EML1: variants seen among roughly 807,000 people sequenced by gnomAD.
EML1 encodes echinoderm microtubule-associated protein-like 1.
In EML1, 27 loss-of-function variants were observed where a neutral mutation model predicts 110.4. The observed-to-expected ratio is 0.24, with a 90% confidence interval of 0.18 to 0.34. The LOEUF is 0.34. Ranked by LOEUF, EML1 falls within the 10% of genes least tolerant of loss-of-function variation. The pLI, the probability that EML1 is intolerant of heterozygous loss-of-function variation, is 1.00. For synonymous variants in EML1, 344 were observed against 385.8 expected (o/e 0.89, Z 1.27); for missense variants, 741 against 1,030.9 (o/e 0.72, Z 3.85).
chr14:99,753,317 C>T (rs961006059), intron 1 of EML1, among the ~76,000 whole-genome samples: 3 of 151,380 alleles, frequency 2.0e-5, no homozygotes, highest in African/African-American at 7.3e-5. Flanking sequence ...GGGAAGTCCT[C>T]ATTGCAATTA....
intron 2 of EML1, among the ~76,000 whole-genome samples, chr14:99,858,882 A>G (rs1216264117): frequency 6.6e-6 from 1 of 152,210 alleles, no homozygotes; most frequent in Non-Finnish European, 1.5e-5. Context: ...TAAACTTTGG[A>G]TTTCCTCATA....
intron 1 of EML1, among the ~76,000 whole-genome samples, chr14:99,765,884 A>T (rs2057364053): frequency 6.6e-6 from 1 of 152,156 alleles, no homozygotes. Context: ...AATTACAGGC[A>T]TGAGCCACCG....
In EML1 at chr14:99,939,320, A is replaced by G. The variant is rs776678602; in HGVS notation, c.2315A>G (p.Gln772Arg). Residue 772 changes from glutamine (Q) to arginine (R), a missense_variant, in exon 21 of 22, where the codon CAG (glutamine) becomes CGG (arginine). By Grantham distance (43) the Gln-to-Arg change is conservative. Transcript: ENST00000262233. The surrounding 1 kb of genome is among the most constrained non-coding windows in gnomAD (Gnocchi z 4.2). ...CACCTCTTCTCATACCCCTGCTCGC[A>G]GTTCAGGGTAAAGGACTTGTTTCTT... ...KVHLFSYPCS[Q>R]FRAPSHIYGG... The G allele has an allele frequency of 3.7e-6, 6 of 1,614,198 alleles. No homozygotes were observed. In the Admixed American group the frequency reaches 8.3e-5, roughly 22 times the overall value.
intron 1 of EML1, among the ~76,000 whole-genome samples, chr14:99,740,324 C>A (rs114594729): frequency 6.6e-6 from 1 of 152,184 alleles, no homozygotes; most frequent in African/African-American, 2.4e-5. Context: ...AGGTTAGGCC[C>A]CTCTTCCCGG....
At chr14:99,739,119 A>AGT (rs71113220) in intron 1 of EML1, among the ~76,000 whole-genome samples, 3,867 of 134,864 alleles carry the variant, frequency 0.029, 57 homozygotes, top group Non-Finnish European at 0.031. Context: ...AGAGAGAGAG[A>AGT]GTGTGTGTGT....
intron 17 of EML1, among the ~76,000 whole-genome samples, chr14:99,934,369 G>T (rs992564475): frequency 1.2e-4 from 18 of 152,322 alleles, no homozygotes; most frequent in Admixed American, 1.1e-3. Flanking sequence ...CAGAATTCTT[G>T]ATTTGGACAG....
chr14:99,918,359 G>A lies in EML1; in HGVS notation c.1820+510G>A, dbSNP rs779871024. On this transcript the variant is annotated intron_variant, in intron 16 of 21. Transcript: ENST00000262233. ...AGTCCTCCCACCTCGGTCTCCCAAA[G>A]TGCTGAGATCACAGGCATGAGGCAC... 1.8e-3 allele frequency among the ~76,000 whole-genome samples: 274 copies of A among 152,252 alleles called. 1 individual carries two copies. The highest frequency in any genetic ancestry group is 0.017 in the Middle Eastern group (5 of 292).
chr14:99,740,575 C>G (rs532691300), intron 1 of EML1, among the ~76,000 whole-genome samples: 2 of 152,180 alleles, frequency 1.3e-5, no homozygotes, highest in East Asian at 3.9e-4. Context: ...GTGGGTGAGC[C>G]GGAGCTAAGG....
At position 99,810,266 on chromosome 14, in the gene EML1, T is replaced by C. The variant is rs142744155; in HGVS notation, c.67+16723T>C. 2.0e-5 allele frequency among the ~76,000 whole-genome samples: 3 copies of C among 152,326 alleles called. No individual in the cohort carries two copies. The East Asian group carries it at 5.8e-4, about 29-fold the overall frequency. On this transcript the variant is annotated intron_variant, in intron 1 of 21. Coordinates refer to ENST00000262233, the MANE Select transcript of EML1 (RefSeq NM_004434.3). Reference sequence around the variant, plus strand: ...GAAAACAAAGTTCAGGGAGACTCTGTTGACTTTGCTAAATTCATGGGTTCC... The same window carrying C: ...GAAAACAAAGTTCAGGGAGACTCTGCTGACTTTGCTAAATTCATGGGTTCC...
intron 1 of EML1, among the ~76,000 whole-genome samples, chr14:99,826,181 C>T (rs1034418952): frequency 1.9e-4 from 26 of 138,834 alleles, no homozygotes; most frequent in African/African-American, 6.9e-4. Flanking sequence ...GGCGTGATCT[C>T]GGCTCACTGC....
rs553793270 is a variant in EML1 at position 99,819,998 on chromosome 14, A to C, written c.67+26455A>C. The stretch of plus-strand genomic sequence containing the variant: ...AATTTGCTTATCACCTAGGCCACCA[A>C]TTAATAGTACTTCCCTATAACTCAG... On this transcript the variant is annotated intron_variant, in intron 1 of 21. Coordinates refer to ENST00000262233, the MANE Select transcript of EML1 (RefSeq NM_004434.3). 1.5e-4 allele frequency among the ~76,000 whole-genome samples: 23 copies of C among 152,334 alleles called. 1 individual carries two copies. In the Middle Eastern group the frequency reaches 0.014, roughly 90 times the overall value.
At chr14:99,919,058 G>A (rs995788044) in intron 16 of EML1, among the ~76,000 whole-genome samples, 13 of 152,144 alleles carry the variant, frequency 8.5e-5, no homozygotes, top group Admixed American at 8.5e-4. Context: ...GATATTCCCT[G>A]CCTGGCTGTG....
intron 1 of EML1, among the ~76,000 whole-genome samples, chr14:99,758,366 G>A (rs1419722693): frequency 6.6e-6 from 1 of 152,144 alleles, no homozygotes; most frequent in Admixed American, 6.5e-5. Flanking sequence ...CCAACATGAA[G>A]CATACAGAGT....
At chr14:99,877,114 C>T (rs939515771) in intron 3 of EML1, among the ~76,000 whole-genome samples, 7 of 151,982 alleles carry the variant, frequency 4.6e-5, no homozygotes, top group Non-Finnish European at 8.8e-5. Flanking sequence ...GCTGGGAGTC[C>T]GAGACCAGGG....
rs1484405814 is a variant in EML1 at position 99,833,144 on chromosome 14, C to T, written c.68-17709C>T. On this transcript the variant is annotated intron_variant, in intron 1 of 21. Coordinates refer to ENST00000262233, the MANE Select transcript of EML1 (RefSeq NM_004434.3). ...ACAAGTTTTATAGTTTTATTTCTTA[C>T]TTTTAGGTTTATGATCCATTTTGAA... 2.0e-5 allele frequency among the ~76,000 whole-genome samples: 3 copies of T among 152,092 alleles called. No homozygotes were observed. The East Asian group carries it at 5.8e-4, about 29-fold the overall frequency.
At chr14:99,761,770 T>C (rs1055856270) in intron 1 of EML1, among the ~76,000 whole-genome samples, 1 of 151,772 alleles carries the variant, frequency 6.6e-6, no homozygotes, top group African/African-American at 2.4e-5. Context: ...AATAAAAATA[T>C]AAAAGTTAGC....
chr14:99,897,591 T>C (rs2140007782), intron 7 of EML1, among the ~76,000 whole-genome samples: 1 of 152,278 alleles, frequency 6.6e-6, no homozygotes, highest in East Asian at 1.9e-4. Flanking sequence ...CCCTCTCATG[T>C]TTAATTTTCC....
intron 1 of EML1, among the ~76,000 whole-genome samples, chr14:99,819,195 T>C (rs1376148357): frequency 1.8e-4 from 27 of 152,100 alleles, no homozygotes; most frequent in Admixed American, 1.8e-3. Flanking sequence ...CCTCAAGTCA[T>C]CCTTTCACCT....
At chr14:99,819,671 G>A (rs1408109242) in intron 1 of EML1, among the ~76,000 whole-genome samples, 1 of 152,202 alleles carries the variant, frequency 6.6e-6, no homozygotes, top group East Asian at 1.9e-4. Context: ...CTTAGAGCTT[G>A]GTGTCAGGAA....
Sources: allele counts gnomAD v4.1 joint callset (sites outside exome capture counted in the v4.1 genomes callset), GRCh38; gene constraint gnomAD v4.1.1; non-coding constraint Gnocchi (gnomAD v3.1); transcripts MANE v1.5; gene names NCBI Gene and HGNC (gene_info 2026-07-23, HGNC 2026-07-21).